The following VDR variants were observed in gnomAD, a reference collection of about 807,000 sequenced individuals.
The protein encoded by VDR is vitamin D receptor, also known as vitamin D3 receptor.
Under a neutral mutation model 39.7 loss-of-function variants are expected in VDR, and 19 were observed. That is an observed-to-expected ratio of 0.48 (90% CI 0.33 to 0.70). The LOEUF is 0.70. Among genes scored for constraint, VDR ranks in the 30% least tolerant of loss-of-function variants. The pLI, the probability that VDR is intolerant of heterozygous loss-of-function variation, is 0.02. For synonymous variants in VDR, 242 were observed against 215.8 expected (o/e 1.12, Z -1.07); for missense variants, 442 against 570.5 (o/e 0.77, Z 2.29).
At chr12:47,866,102 C>T (rs991071457) in intron 3 of VDR, among the ~76,000 whole-genome samples, 1 of 147,746 alleles carries the variant, frequency 6.8e-6, no homozygotes, top group East Asian at 2.1e-4. Context: ...AGTGCATTTC[C>T]CTAGAAAAAA....
rs1452466524 is a variant in VDR, at chr12:47,841,948, A to G, written c.*2798T>C. The G allele has an allele frequency of 6.6e-6, 1 of 152,322 alleles. No individual in the cohort carries two copies. The allele number at this position is 152,322 out of a possible 1,614,324, so 9.4% of individuals were successfully genotyped here. ...ACACTCTCATTCTAAAGTAGAATCG[A>G]TGATGACCTTTTCTCCCCGTTCAGC... is the stretch of plus-strand genomic sequence containing the variant. On this transcript the variant is annotated 3_prime_UTR_variant, in exon 10 of 10. Transcript: ENST00000549336.
At chr12:47,859,918 T>C (rs200591688) in intron 4 of VDR, among the ~76,000 whole-genome samples, 2,940 of 38,862 alleles carry the variant, frequency 0.076, 143 homozygotes, top group East Asian at 0.18. Flanking sequence ...TCCTTCCTTC[T>C]TTCTTTTTCT....
At chr12:47,902,257 T>C (rs754310035) in intron 1 of VDR, among the ~76,000 whole-genome samples, 2 of 152,144 alleles carry the variant, frequency 1.3e-5, no homozygotes, top group Non-Finnish European at 2.9e-5. Context: ...TTCTAGCATA[T>C]CTAGGAGGGC....
chr12:47,857,762 G>A (rs974776402), intron 4 of VDR, 74 bp from the exon 5 acceptor site: 2 of 1,545,796 alleles, frequency 1.3e-6, no homozygotes, highest in Non-Finnish European at 1.8e-6. Flanking sequence ...GCGGTTGGGG[G>A]TAAAGGTCCA....
intron 1 of VDR, among the ~76,000 whole-genome samples, chr12:47,898,975 T>A (rs1946511863): frequency 1.3e-5 from 2 of 152,114 alleles, no homozygotes; most frequent in South Asian, 4.1e-4. Flanking sequence ...ACTCTTAACT[T>A]AGGTGGTAGG....
At chr12:47,847,493 C>T (rs1015558719) in intron 7 of VDR, among the ~76,000 whole-genome samples, 1 of 152,190 alleles carries the variant, frequency 6.6e-6, no homozygotes, top group Admixed American at 6.5e-5. Flanking sequence ...TTCCAACTCC[C>T]TTTCCCATGG....
intron 7 of VDR, among the ~76,000 whole-genome samples, chr12:47,853,688 G>A (rs1945430761): frequency 6.6e-6 from 1 of 152,194 alleles, no homozygotes; most frequent in Non-Finnish European, 1.5e-5. Context: ...CCAGGAGGCA[G>A]AGGTTGCAGT....
chr12:47,873,472 C>T (rs1945932170), intron 3 of VDR, among the ~76,000 whole-genome samples: 1 of 148,246 alleles, frequency 6.7e-6, no homozygotes, highest in Admixed American at 6.8e-5. Context: ...CGCCATTCTC[C>T]TGCCTCAGCC....
chr12:47,862,257 C>G (rs909059298), intron 4 of VDR, among the ~76,000 whole-genome samples: 1 of 152,164 alleles, frequency 6.6e-6, no homozygotes, highest in Non-Finnish European at 1.5e-5. Context: ...TTGGTGGGAC[C>G]AAGCTCTCTT....
intron 1 of VDR, among the ~76,000 whole-genome samples, chr12:47,888,965 G>T (rs1315887013): frequency 6.6e-6 from 1 of 152,152 alleles, no homozygotes; most frequent in Non-Finnish European, 1.5e-5. Flanking sequence ...TAAGCGAATT[G>T]CCCTGATTTG....
rs527310161 is a variant in VDR, at chr12:47,844,675, C to T, written c.*71G>A. 104 of 1,601,966 alleles carry T rather than the reference C, an allele frequency of 6.5e-5. No individual in the cohort carries two copies. In the East Asian group the frequency reaches 2.0e-3, roughly 31 times the overall value. Reference sequence around the variant, plus strand: ...GGGGTGAGGAGGGCTGCTGAGTAGCCGCCAGCCCCGGGCCTGGCACGTGGC... The same window carrying T: ...GGGGTGAGGAGGGCTGCTGAGTAGCTGCCAGCCCCGGGCCTGGCACGTGGC... On this transcript the variant is annotated 3_prime_UTR_variant, in exon 10 of 10. Coordinates refer to ENST00000549336, the MANE Select transcript of VDR (RefSeq NM_000376.3).
chr12:47,903,373 G>A (rs1946604077), intron 1 of VDR, among the ~76,000 whole-genome samples: 1 of 152,220 alleles, frequency 6.6e-6, no homozygotes, highest in African/African-American at 2.4e-5. Flanking sequence ...GGACTCTGCA[G>A]GGAGGGCTAC....
In VDR at chr12:47,844,915, G is replaced by A. The variant is rs771926584; in HGVS notation, c.1115C>T (p.Pro372Leu). 1.4e-5 allele frequency: 22 copies of A among 1,614,016 alleles called. No individual in the cohort carries two copies. Among genetic ancestry groups the A allele is most frequent in the Admixed American group, 6.7e-5 (4 of 59,998 alleles). Residue 372 changes from proline to leucine, a missense_variant, in exon 10 of 10, where the codon CCG becomes CTG. Transcript: ENST00000549336. The part of the protein sequence containing the change: ...TLQTYIRCRH[P>L]PPGSHLLYAK... ...ATAGAGCAGGTGGCTGCCCGGGGGC[G>A]GGTGGCGGCAGCGGATGTACGTCTG...
chr12:47,858,631 C>T lies in VDR; in HGVS notation c.278-943G>A, dbSNP rs192974216. On this transcript the variant is annotated intron_variant, in intron 4 of 9. Coordinates refer to ENST00000549336, the MANE Select transcript of VDR (RefSeq NM_000376.3). ...ATGCTGGGAGCAAAGGTGCCTGGCA[C>T]GGCGGCTGGGCAAACAGACCTCCTG... 1.6e-3 allele frequency among the ~76,000 whole-genome samples: 246 copies of T among 152,350 alleles called. 7 individuals are homozygous for T. In the South Asian group the frequency reaches 0.023, roughly 14 times the overall value.
chr12:47,898,759 G>A (rs1036106350), intron 1 of VDR: 1 of 155,584 alleles, frequency 6.4e-6, no homozygotes, highest in Middle Eastern at 5.2e-4. Context: ...TCAAAGAAGA[G>A]TGCATCACAG....
At chr12:47,855,464 G>A (rs1419647270) in intron 7 of VDR, among the ~76,000 whole-genome samples, 166 bp downstream of exon 7, 3 of 152,210 alleles carry the variant, frequency 2.0e-5, no homozygotes, top group Non-Finnish European at 2.9e-5. Context: ...AGGTTGCAGT[G>A]AGCCGAGATC....
intron 1 of VDR, among the ~76,000 whole-genome samples, chr12:47,887,415 C>T (rs1387631488): frequency 4.6e-5 from 7 of 151,192 alleles, no homozygotes; most frequent in African/African-American, 7.3e-5. Flanking sequence ...TTCTAAGACA[C>T]TAAGCCCTAA....
rs1945510244 is a variant in VDR at position 47,857,252 on chromosome 12, G to A, written c.463-3C>T. ...CCATCATTCACACGAACTGGAGGCT[G>A]GAAGGGAAAGATGGGGTCTCAGACC... On this transcript the variant is annotated splice_polypyrimidine_tract_variant and splice_region_variant and intron_variant, in intron 5 of 9. Coordinates refer to ENST00000549336, the MANE Select transcript of VDR (RefSeq NM_000376.3). 4 of 1,614,140 alleles carry A rather than the reference G, an allele frequency of 2.5e-6. No individual in the cohort carries two copies. Among genetic ancestry groups the A allele is most frequent in the Non-Finnish European group, 3.4e-6 (4 of 1,180,024 alleles).
intron 3 of VDR, among the ~76,000 whole-genome samples, chr12:47,870,935 C>G (rs1377401527): frequency 6.6e-6 from 1 of 152,096 alleles, no homozygotes; most frequent in Admixed American, 6.5e-5. Flanking sequence ...GTCAATTATA[C>G]CCCAGCAAAT....
Sources: gnomAD v4.1 joint callset for allele counts (sites outside exome capture counted in the v4.1 genomes callset) on GRCh38, gnomAD v4.1.1 for gene constraint, MANE v1.5 for transcripts, NCBI Gene and HGNC (gene_info 2026-07-23, HGNC 2026-07-21) for gene names.